Variants in MAP6 observed in about 807,000 individuals in gnomAD.
MAP6 encodes the protein microtubule-associated protein 6.
In MAP6, 26 loss-of-function variants were observed where a neutral mutation model predicts 42.4. The observed-to-expected ratio is 0.61, with a 90% CI of 0.45 to 0.85. MAP6 has a LOEUF of 0.85. MAP6 is among the 40% of genes least tolerant of loss of function. The pLI is 0.00. For synonymous variants in MAP6, 418 were observed against 443.8 expected, an observed-to-expected ratio of 0.94 and a Z score of 0.73; for missense variants, 966 against 1,099.0, an observed-to-expected ratio of 0.88 and a Z score of 1.71.
chr11:75,661,793 G>A (rs937777745), intron 1 of MAP6, among the ~76,000 whole-genome samples: 5 of 151,944 alleles, frequency 3.3e-5, no homozygotes, highest in African/African-American at 9.7e-5. Context: ...CCTACTATTT[G>A]AAACCATACC....
At chr11:75,646,860 C>A (rs1375157307) in intron 1 of MAP6, among the ~76,000 whole-genome samples, 1 of 151,984 alleles carries the variant, frequency 6.6e-6, no homozygotes, top group African/African-American at 2.4e-5. Flanking sequence ...TCTAAATAAG[C>A]ATTGGGTATA....
At chr11:75,658,733 T>G (rs904311812) in intron 1 of MAP6, among the ~76,000 whole-genome samples, 7 of 152,230 alleles carry the variant, frequency 4.6e-5, no homozygotes, top group African/African-American at 1.7e-4. Context: ...TCTATCCTTA[T>G]GCAATGATAC....
At chr11:75,649,022 T>C (rs1014775076) in intron 1 of MAP6, among the ~76,000 whole-genome samples, 8 of 152,166 alleles carry the variant, frequency 5.3e-5, no homozygotes, top group African/African-American at 1.9e-4. Context: ...AAATACAAAA[T>C]GTGCATAACC....
rs901485285 is a variant in MAP6, at chr11:75,667,547, C to T, written c.823G>A (p.Ala275Thr). 8 of 1,487,496 alleles carry T rather than the reference C, an allele frequency of 5.4e-6. No homozygotes were observed. In the Admixed American group the frequency reaches 8.8e-5, roughly 16 times the overall value. 92.1% of individuals were successfully genotyped at this position (1,487,496 alleles called of 1,614,324 possible). The change falls in exon 1 of 4, where the codon GCT becomes ACT. Residue 275 changes from alanine (A) to threonine (T), a missense_variant. Physicochemically the swap from Ala to Thr is moderately conservative, Grantham distance 58. Coordinates refer to ENST00000304771, the MANE Select transcript of MAP6 (RefSeq NM_033063.2). This position sits in a 1 kb window ranked among gnomAD's most constrained non-coding sequence, Gnocchi z 5.6. ...QAQVQATGPEAGRGRAAADAL... is the reference protein window; with the variant it reads ...QAQVQATGPETGRGRAAADAL... ...TCCGCCGCGGCGCGCCCCCTGCCAGCCTCGGGGCCGGTGGCCTGGACCTGG... is the reference window on the plus strand; with the variant it reads ...TCCGCCGCGGCGCGCCCCCTGCCAGTCTCGGGGCCGGTGGCCTGGACCTGG...
At chr11:75,605,113 C>A in intron 3 of MAP6, 1 of 985,434 alleles carries the variant, frequency 1.0e-6, no homozygotes, top group Non-Finnish European at 1.2e-6. Context: ...AAACACCTAA[C>A]CTTCTTCACC....
At chr11:75,607,584 C>T (rs1439764574) in intron 2 of MAP6, 1 of 985,282 alleles carries the variant, frequency 1.0e-6, no homozygotes, top group Non-Finnish European at 1.2e-6. Context: ...TGTGTTGTGA[C>T]AGACCGAGAA....
chr11:75,651,659 G>A (rs1365793922), intron 1 of MAP6, among the ~76,000 whole-genome samples: 2 of 152,148 alleles, frequency 1.3e-5, no homozygotes, highest in Non-Finnish European at 2.9e-5. Context: ...AGATTGGCTG[G>A]TTATCCATTA....
chr11:75,660,306 T>C (rs1288149287), intron 1 of MAP6, among the ~76,000 whole-genome samples: 1 of 152,150 alleles, frequency 6.6e-6, no homozygotes, highest in East Asian at 1.9e-4. Flanking sequence ...AAATCTATAT[T>C]TACAGCCCAG....
rs181596256 is a variant in MAP6 at position 75,604,458 on chromosome 11, G to A, written c.1316+1350C>T. On this transcript the variant is annotated intron_variant, in intron 3 of 3. Transcript: ENST00000304771. ...CCTGCGCCGGGGCTTGACACCGGAC[G>A]GCAGCCCAGTGTGTCAGAATGCCGG... 7.0e-3 allele frequency: 6,912 copies of A among 985,430 alleles called. 22 individuals carry two copies. Among genetic ancestry groups the A allele is most frequent in the Non-Finnish European group, 7.9e-3 (6,522 of 829,928 alleles). The allele number at this position is 985,430 out of a possible 1,614,324, so 61.0% of individuals were successfully genotyped here.
At position 75,605,211 on chromosome 11, in the gene MAP6, C is replaced by T. The variant is rs992145366; in HGVS notation, c.1316+597G>A. ...ACTGATAGGAAGCTAAACACAGGCA[C>T]ACATTTCTAATGGACGATTCTATGA... On this transcript the variant is annotated intron_variant, in intron 3 of 3. Coordinates refer to ENST00000304771, the MANE Select transcript of MAP6 (RefSeq NM_033063.2). 7 of 985,450 alleles carry T rather than the reference C, an allele frequency of 7.1e-6. No homozygotes were observed. In the African/African-American group the frequency reaches 8.7e-5, roughly 12 times the overall value. The allele number at this position is 985,450 out of a possible 1,614,324, so 61.0% of individuals were successfully genotyped here.
chr11:75,636,224 A>G (rs1418949791), intron 1 of MAP6: 1 of 152,262 alleles, frequency 6.6e-6, no homozygotes, highest in African/African-American at 2.4e-5. Context: ...AACATGGTTC[A>G]GAGGGTTTAA....
At chr11:75,609,280 T>C (rs1942843097) in intron 1 of MAP6, among the ~76,000 whole-genome samples, 1 of 152,234 alleles carries the variant, frequency 6.6e-6, no homozygotes, top group African/African-American at 2.4e-5. Context: ...AGTCAATGCA[T>C]GAACTCTGTG....
chr11:75,624,928 G>A (rs998824886), intron 1 of MAP6, among the ~76,000 whole-genome samples: 4 of 152,124 alleles, frequency 2.6e-5, no homozygotes, highest in Non-Finnish European at 5.9e-5. Context: ...ACGCATTGAG[G>A]ATGCATCCTA....
chr11:75,641,949 G>A (rs1045307348), intron 1 of MAP6, among the ~76,000 whole-genome samples: 7 of 152,182 alleles, frequency 4.6e-5, no homozygotes, highest in Non-Finnish European at 7.3e-5. Flanking sequence ...GCTGAAGAGA[G>A]CCACAGCTAA....
chr11:75,620,543 A>G (rs1051912563), intron 1 of MAP6, among the ~76,000 whole-genome samples: 11 of 152,044 alleles, frequency 7.2e-5, no homozygotes, highest in African/African-American at 1.4e-4. Context: ...ATGCTTCTCA[A>G]CTCATTTTAA....
intron 1 of MAP6, among the ~76,000 whole-genome samples, chr11:75,612,705 C>T (rs1358662440): frequency 6.6e-6 from 1 of 152,148 alleles, no homozygotes; most frequent in African/African-American, 2.4e-5. Context: ...TGGGAAGATG[C>T]TGAAAGTTTC....
intron 1 of MAP6, among the ~76,000 whole-genome samples, chr11:75,647,347 C>CAAAAAAAAAAAAAAAAAAAAA: frequency 2.3e-5 from 1 of 44,186 alleles, no homozygotes; most frequent in Non-Finnish European, 4.3e-5. Context: ...CCCACCTGAT[C>CAAAAAAAAAAAAAAAAAAAAA]AAAAAAAAAA....
At chr11:75,595,791 G>C (rs1235586270) in intron 3 of MAP6, among the ~76,000 whole-genome samples, 1 of 124,346 alleles carries the variant, frequency 8.0e-6, no homozygotes, top group African/African-American at 3.1e-5. Context: ...TGCCTCTCTA[G>C]ACTGGGCACT....
intron 1 of MAP6, among the ~76,000 whole-genome samples, chr11:75,614,171 G>A (rs1277780380): frequency 6.6e-6 from 1 of 152,136 alleles, no homozygotes; most frequent in Non-Finnish European, 1.5e-5. Flanking sequence ...AGTAAAGGCT[G>A]TCCTTTTGCA....
Sources: allele counts gnomAD v4.1 joint callset (sites outside exome capture counted in the v4.1 genomes callset), GRCh38; gene constraint gnomAD v4.1.1; non-coding constraint Gnocchi (gnomAD v3.1); transcripts MANE v1.5; gene names NCBI Gene and HGNC (gene_info 2026-07-23, HGNC 2026-07-21).